ITGAM: variants seen among roughly 807,000 people sequenced by gnomAD.
ITGAM encodes integrin subunit alpha M.
ITGAM carries 79 observed loss-of-function variants against 137.5 expected under a neutral mutation model. That is an observed-to-expected ratio of 0.57 (90% CI 0.48 to 0.69). ITGAM has a LOEUF of 0.69. ITGAM is among the 30% of genes least tolerant of loss of function. The pLI, the probability that ITGAM is intolerant of heterozygous loss-of-function variation, is 0.00. For missense variants in ITGAM, 1,343 were observed against 1,483.5 expected, an observed-to-expected ratio of 0.91 and a Z score of 1.56; for synonymous variants, 583 against 592.3, an observed-to-expected ratio of 0.98 and a Z score of 0.23.
rs139412766 is a variant in ITGAM, at chr16:31,292,510, G to A, written c.1357-5004G>A. On this transcript the variant is annotated intron_variant, in intron 12 of 29. Coordinates refer to ENST00000544665, the MANE Select transcript of ITGAM (RefSeq NM_000632.4). ...AGCTCCCACTAATAAGTGAGAACAT[G>A]CAGTATTTGTTTTTCTGTTCTTGTG... is the stretch of plus-strand genomic sequence containing the variant. Among the ~76,000 whole-genome samples the A allele has an allele frequency of 5.3e-5, 8 of 152,242 alleles. No individual in the cohort carries two copies. The East Asian group carries it at 1.3e-3, about 26-fold the overall frequency.
chr16:31,295,161 A>G (rs1396442222), intron 12 of ITGAM, among the ~76,000 whole-genome samples: 1 of 152,086 alleles, frequency 6.6e-6, no homozygotes, highest in Admixed American at 6.6e-5. Context: ...ATCAGGAATT[A>G]TGATGCCTCC....
intron 7 of ITGAM, among the ~76,000 whole-genome samples, chr16:31,272,422 A>AATATATATATATATAT (rs2079850545): frequency 2.0e-4 from 10 of 48,966 alleles, no homozygotes; most frequent in Admixed American, 9.5e-4. Context: ...AGGCCAATTA[A>AATATATATATATATAT]CTATATATAT....
intron 14 of ITGAM, among the ~76,000 whole-genome samples, chr16:31,315,729 G>T (rs1281417575): frequency 6.6e-6 from 1 of 152,120 alleles, no homozygotes; most frequent in Admixed American, 6.5e-5. Flanking sequence ...AAAGTGCTGG[G>T]ATTACAGGCG....
At chr16:31,306,523 T>C (rs988574882) in intron 14 of ITGAM, among the ~76,000 whole-genome samples, 3 of 150,814 alleles carry the variant, frequency 2.0e-5, no homozygotes, top group African/African-American at 4.9e-5. Context: ...TTTTTTTTTT[T>C]CTTTTTGAGA....
chr16:31,299,098 G>A (rs2080168718), intron 14 of ITGAM, among the ~76,000 whole-genome samples: 1 of 151,940 alleles, frequency 6.6e-6, no homozygotes, highest in South Asian at 2.1e-4. Flanking sequence ...TTTTATTGTG[G>A]TAAGGGCACT....
At chr16:31,315,997 G>A (rs184207633) in intron 14 of ITGAM, among the ~76,000 whole-genome samples, 62 of 147,088 alleles carry the variant, frequency 4.2e-4, no homozygotes, top group Non-Finnish European at 5.8e-4. Flanking sequence ...AATCGAGACC[G>A]TCATGGCTAA....
At position 31,286,111 on chromosome 16, in the gene ITGAM, G is replaced by A. The variant is rs544245075; in HGVS notation, c.1356+8002G>A. On this transcript the variant is annotated intron_variant, in intron 12 of 29. Coordinates refer to ENST00000544665, the MANE Select transcript of ITGAM (RefSeq NM_000632.4). ...GAGAACATGCAGTATTTGATTTTCT[G>A]TTCCTGTGCCAATTCACTTAGGATT... is the stretch of plus-strand genomic sequence containing the variant. Among the ~76,000 whole-genome samples the A allele has an allele frequency of 3.9e-5, 6 of 152,028 alleles. No individual in the cohort carries two copies. In the South Asian group the frequency reaches 1.0e-3, roughly 26 times the overall value.
At chr16:31,328,305 A>G (rs892141143) in intron 23 of ITGAM, 75 bp downstream of exon 23, 2 of 1,103,022 alleles carry the variant, frequency 1.8e-6, no homozygotes, top group African/African-American at 3.1e-5. Flanking sequence ...TGTGTGCATG[A>G]GTCTGTGCAT....
At chr16:31,293,607 G>A (rs2080107023) in intron 12 of ITGAM, among the ~76,000 whole-genome samples, 1 of 152,016 alleles carries the variant, frequency 6.6e-6, no homozygotes, top group South Asian at 2.1e-4. Flanking sequence ...GCCTGTTTTT[G>A]TACCAGTATC....
chr16:31,272,423 C>G (rs8056944), intron 7 of ITGAM, among the ~76,000 whole-genome samples: 6,908 of 31,512 alleles, frequency 0.22, 1,448 homozygotes, highest in African/African-American at 0.48. Context: ...GGCCAATTAA[C>G]TATATATATA....
rs2080588173 is a variant in ITGAM, at chr16:31,331,816, G to A, written c.*109G>A. ...TCGGACAGCGAAGTATCCCCGACAG[G>A]ACGGGCTTGGGCTTCCATTTGTGTG... is the stretch of plus-strand genomic sequence containing the variant. On this transcript the variant is annotated 3_prime_UTR_variant, in exon 30 of 30. Transcript: ENST00000544665. The A allele has an allele frequency of 2.4e-6, 2 of 832,984 alleles. No homozygotes were observed. Among genetic ancestry groups the A allele is most frequent in the Non-Finnish European group, 3.8e-6 (2 of 530,720 alleles). The allele number at this position is 832,984 out of a possible 1,614,324, so 51.6% of individuals were successfully genotyped here.
At position 31,273,494 on chromosome 16, in the gene ITGAM, G is replaced by C; in HGVS notation, c.834G>C (p.Glu278Asp). The change falls in exon 8 of 30, where the codon GAG (glutamate) becomes GAC (aspartate). Residue 278 changes from glutamate to aspartate, a missense_variant. Transcript: ENST00000544665. ...ATGTCATCCCTGAGGCAGACAGAGA[G>C]GGAGTCATTCGCTACGTCATTGGGG... The part of the protein sequence containing the change: ...YEDVIPEADR[E>D]GVIRYVIGVG... 7 of 1,613,758 alleles carry C rather than the reference G, an allele frequency of 4.3e-6. No individual in the cohort carries two copies. Among genetic ancestry groups the C allele is most frequent in the Non-Finnish European group, 5.9e-6 (7 of 1,179,738 alleles).
At chr16:31,306,560 C>A (rs182747775) in intron 14 of ITGAM, among the ~76,000 whole-genome samples, 2 of 151,062 alleles carry the variant, frequency 1.3e-5, no homozygotes, top group East Asian at 3.9e-4. Flanking sequence ...GTTGCCCACA[C>A]TGGAGTACAG....
At chr16:31,306,904 A>G (rs1238384935) in intron 14 of ITGAM, among the ~76,000 whole-genome samples, 1 of 152,168 alleles carries the variant, frequency 6.6e-6, no homozygotes, top group African/African-American at 2.4e-5. Flanking sequence ...TAATATATGA[A>G]CACCCTTCAA....
chr16:31,285,416 G>T (rs1480192719), intron 12 of ITGAM, among the ~76,000 whole-genome samples: 2 of 152,092 alleles, frequency 1.3e-5, no homozygotes, highest in African/African-American at 4.8e-5. Context: ...CTGAGGTCAG[G>T]AGTTTGAGAC....
At chr16:31,305,796 C>CG (rs1480877225) in intron 14 of ITGAM, among the ~76,000 whole-genome samples, 2 of 152,084 alleles carry the variant, frequency 1.3e-5, no homozygotes, top group Admixed American at 1.3e-4. Flanking sequence ...ACCATTCCTG[C>CG]GTCCTTGGGA....
At chr16:31,327,934 A>T (rs2080525384) in intron 22 of ITGAM, 2 of 563,852 alleles carry the variant, frequency 3.5e-6, no homozygotes, top group Admixed American at 6.0e-5. Context: ...GTGTGAATTC[A>T]GGGGACCAGT....
In ITGAM at chr16:31,326,849, A is replaced by G. The variant is rs371481891; in HGVS notation, c.2629-7A>G. 5.0e-6 allele frequency: 8 copies of G among 1,598,314 alleles called. No homozygotes were observed. In the East Asian group the frequency reaches 1.6e-4, roughly 31 times the overall value. ...TCTGTCATTGTCTCTCCTTTCTCTC[A>G]CTCCAGGTCACCTTTAATATCACGT... On this transcript the variant is annotated splice_polypyrimidine_tract_variant and splice_region_variant and intron_variant, in intron 21 of 29. Coordinates refer to ENST00000544665, the MANE Select transcript of ITGAM (RefSeq NM_000632.4).
intron 14 of ITGAM, among the ~76,000 whole-genome samples, chr16:31,300,210 C>T (rs2080183964): frequency 1.3e-5 from 2 of 152,168 alleles, no homozygotes; most frequent in Admixed American, 6.6e-5. Flanking sequence ...GTTTTCACAT[C>T]CTGGCTATTG....
Sources: gnomAD v4.1 joint callset for allele counts (sites outside exome capture counted in the v4.1 genomes callset) on GRCh38, gnomAD v4.1.1 for gene constraint, MANE v1.5 for transcripts, NCBI Gene and HGNC (gene_info 2026-07-23, HGNC 2026-07-21) for gene names.